SND1: variants seen among roughly 807,000 people sequenced by gnomAD.
SND1 encodes the protein staphylococcal nuclease domain-containing protein 1.
SND1 carries 38 observed loss-of-function variants against 121.7 expected under a neutral mutation model. The ratio of observed to expected loss-of-function variants is 0.31; its 90% confidence interval spans 0.24 to 0.41. The LOEUF is 0.41. Among genes scored for constraint, SND1 ranks in the 10% least tolerant of loss-of-function variants. The probability of loss-of-function intolerance (pLI) is 1.00; values close to 1 mark genes in which losing one functional copy is unlikely to be tolerated. For synonymous variants in SND1, 401 were observed against 447.4 expected, an observed-to-expected ratio of 0.90 and a Z score of 1.31; for missense variants, 868 against 1,184.6, an observed-to-expected ratio of 0.73 and a Z score of 3.92.
At chr7:127,728,954 T>C (rs1796627772) in intron 10 of SND1, among the ~76,000 whole-genome samples, 1 of 152,094 alleles carries the variant, frequency 6.6e-6, no homozygotes. Flanking sequence ...TTTTGCTGGC[T>C]AGGTCACACA....
At chr7:127,914,507 T>G (rs1179027435) in intron 14 of SND1, among the ~76,000 whole-genome samples, 3 of 152,164 alleles carry the variant, frequency 2.0e-5, no homozygotes, top group Non-Finnish European at 2.9e-5. Context: ...TTTCATAAGT[T>G]GTTTAATATG....
chr7:127,674,162 G>T (rs989847706), intron 1 of SND1, among the ~76,000 whole-genome samples: 2 of 149,816 alleles, frequency 1.3e-5, no homozygotes, highest in African/African-American at 2.5e-5. Flanking sequence ...CCCTCCTTCC[G>T]TCCCCACTTG....
At chr7:127,815,770 TTG>T (rs1025795047) in intron 11 of SND1, among the ~76,000 whole-genome samples, 8 of 152,108 alleles carry the variant, frequency 5.3e-5, no homozygotes, top group African/African-American at 1.9e-4. Flanking sequence ...TTGCGGTACT[TTG>T]TTATGGCAGC....
chr7:127,721,377 A>C lies in SND1; in HGVS notation c.1129A>C (p.Arg377=), dbSNP rs755932994. ...TIHLSSIRPP[R]LEGENTQDKN... ...TCACCTGTCCAGCATCCGACCACCG[A>C]GGCTGGAGGGGGAGAACACCCAGGT... The change falls in exon 10 of 24, where the codon AGG becomes CGG. Residue 377 remains arginine (R), a synonymous_variant. Transcript: ENST00000354725. The C allele has an allele frequency of 6.2e-7, 1 of 1,612,164 alleles. No homozygotes were observed. Among genetic ancestry groups the C allele is most frequent in the Admixed American group, 1.7e-5 (1 of 60,010 alleles).
chr7:128,017,044 A>G lies in SND1; in HGVS notation c.1779+25988A>G, dbSNP rs548497877. Among the ~76,000 whole-genome samples the G allele has an allele frequency of 4.6e-5, 7 of 152,350 alleles. No homozygotes were observed. In the South Asian group the frequency reaches 1.4e-3, roughly 32 times the overall value. On this transcript the variant is annotated intron_variant, in intron 16 of 23. Transcript: ENST00000354725. ...AGATTCACTGCCAGAAACTTTAGCC[A>G]GCAACAAAATGTGGCAGATACACTA...
At chr7:127,920,825 T>C (rs1008994423) in intron 14 of SND1, among the ~76,000 whole-genome samples, 6 of 140,198 alleles carry the variant, frequency 4.3e-5, no homozygotes, top group Admixed American at 1.5e-4. Context: ...AGATACACCA[T>C]CATCTGCACT....
At position 128,029,579 on chromosome 7, in the gene SND1, G is replaced by C; in HGVS notation, c.1779+38523G>C. ...TGAGGTCTCGAGGTGCGTCCATGAT[G>C]AAGGGGGCAGAGCACTGGAAGGAGG... On this transcript the variant is annotated intron_variant, in intron 16 of 23. Transcript: ENST00000354725. The surrounding 1 kb of genome is among the most constrained non-coding windows in gnomAD (Gnocchi z 4.2). 6.2e-7 allele frequency: 1 copy of C among 1,614,058 alleles called. No individual in the cohort carries two copies. The highest frequency in any genetic ancestry group is 8.5e-7 in the Non-Finnish European group (1 of 1,180,022).
chr7:127,879,327 C>T (rs184000990), intron 12 of SND1, among the ~76,000 whole-genome samples: 1 of 152,232 alleles, frequency 6.6e-6, no homozygotes, highest in African/African-American at 2.4e-5. Flanking sequence ...TAGGGAAGAT[C>T]TGAAGAGAGC....
chr7:127,953,762 G>T (rs1801525066), intron 15 of SND1, among the ~76,000 whole-genome samples: 2 of 152,244 alleles, frequency 1.3e-5, no homozygotes, highest in East Asian at 1.9e-4. Context: ...AACAAGTCTT[G>T]TTAATTTTCA....
intron 14 of SND1, among the ~76,000 whole-genome samples, chr7:127,906,224 G>C (rs761623001): frequency 4.6e-5 from 7 of 152,128 alleles, no homozygotes; most frequent in Admixed American, 1.3e-4. Context: ...CACTTTTTGT[G>C]GCTTAGAATC....
intron 14 of SND1, among the ~76,000 whole-genome samples, chr7:127,924,329 A>G (rs1210829253): frequency 6.6e-6 from 1 of 152,328 alleles, no homozygotes; most frequent in Admixed American, 6.5e-5. Context: ...GATGAGAACT[A>G]ATTCGTGATC....
At chr7:127,930,497 T>C (rs1270736927) in intron 15 of SND1, among the ~76,000 whole-genome samples, 1 of 152,170 alleles carries the variant, frequency 6.6e-6, no homozygotes. Context: ...TCACTTCTCA[T>C]TGTGGCTCTT....
At chr7:127,733,853 G>T (rs1355289719) in intron 10 of SND1, among the ~76,000 whole-genome samples, 1 of 152,094 alleles carries the variant, frequency 6.6e-6, no homozygotes, top group Admixed American at 6.5e-5. Context: ...AGAGGCACAG[G>T]TGCATGCCCT....
chr7:127,752,739 T>A (rs1269887807), intron 10 of SND1, among the ~76,000 whole-genome samples: 1 of 152,250 alleles, frequency 6.6e-6, no homozygotes. Flanking sequence ...TGTGTTTCAA[T>A]GAAACTTTAT....
intron 11 of SND1, 74 bp downstream of exon 11, chr7:127,807,647 A>C (rs972387436): frequency 1.7e-6 from 2 of 1,149,926 alleles, no homozygotes; most frequent in African/African-American, 3.0e-5. Context: ...AATTGTTATA[A>C]GCTGGGCCCT....
Position 128,081,443 on chromosome 7 carries a change from C to T in SND1, c.2052C>T (p.Pro684=), listed in dbSNP as rs929084701. The T allele has an allele frequency of 1.2e-6, 2 of 1,614,174 alleles. No homozygotes were observed. Among genetic ancestry groups the T allele is most frequent in the East Asian group, 2.2e-5 (1 of 44,874 alleles). The change falls in exon 18 of 24, where the codon CCC becomes CCT. Residue 684 remains proline (P), a synonymous_variant. Transcript: ENST00000354725. ...EEKERSASYK[P]VFVTEITDDL... ...AGGAGCGATCTGCTAGCTACAAGCCCGTGTTTGTGACTGAGATCACTGATG... is the reference window on the plus strand; with the variant it reads ...AGGAGCGATCTGCTAGCTACAAGCCTGTGTTTGTGACTGAGATCACTGATG...
intron 17 of SND1, among the ~76,000 whole-genome samples, chr7:128,081,142 G>T (rs538302887): frequency 6.6e-6 from 1 of 152,058 alleles, no homozygotes; most frequent in South Asian, 2.1e-4. Context: ...GATTACAGGC[G>T]CCCACCACCG....
At chr7:128,012,372 C>T (rs1484173046) in intron 16 of SND1, among the ~76,000 whole-genome samples, 1 of 152,206 alleles carries the variant, frequency 6.6e-6, no homozygotes, top group Admixed American at 6.5e-5. Flanking sequence ...GCCAGCACTG[C>T]ATGTCCCATC....
intron 14 of SND1, among the ~76,000 whole-genome samples, chr7:127,918,055 C>CTTTTTTTTTTTTTTTTTTTTTTTT (rs11375840): frequency 7.0e-6 from 1 of 142,382 alleles, no homozygotes; most frequent in African/African-American, 2.6e-5. Context: ...TAGATTTTTT[C>CTTTTTTTTTTTTTTTTTTTTTTTT]TTTTTTTTTT....
Sources: allele counts gnomAD v4.1 joint callset (sites outside exome capture counted in the v4.1 genomes callset), GRCh38; gene constraint gnomAD v4.1.1; non-coding constraint Gnocchi (gnomAD v3.1); transcripts MANE v1.5; gene names NCBI Gene and HGNC (gene_info 2026-07-23, HGNC 2026-07-21).